Variants in TCERG1L observed in about 807,000 individuals in gnomAD.
TCERG1L encodes transcription elongation regulator 1-like protein.
In TCERG1L, 37 loss-of-function variants were observed where a neutral mutation model predicts 56.3. That is an observed-to-expected ratio of 0.66 (90% CI 0.51 to 0.87). The LOEUF (loss-of-function observed/expected upper bound fraction) is 0.87. Ranked by LOEUF, TCERG1L falls within the 40% of genes least tolerant of loss-of-function variation. TCERG1L has a pLI of 0.00. For missense variants in TCERG1L, 799 were observed against 774.2 expected (o/e 1.03, Z -0.38); for synonymous variants, 324 against 326.3 (o/e 0.99, Z 0.08).
At chr10:131,236,796 G>T (rs1845917896) in intron 4 of TCERG1L, among the ~76,000 whole-genome samples, 1 of 152,140 alleles carries the variant, frequency 6.6e-6, no homozygotes, top group East Asian at 1.9e-4. Context: ...AGAGCAGAGA[G>T]ACATGAGTCC....
intron 6 of TCERG1L, among the ~76,000 whole-genome samples, chr10:131,147,672 C>T (rs996607704): frequency 7.9e-5 from 12 of 152,242 alleles, no homozygotes; most frequent in African/African-American, 1.7e-4. Context: ...CCTCTGGCTC[C>T]GCAAGTCTCC....
At chr10:131,164,945 T>C (rs531354332) in intron 5 of TCERG1L, among the ~76,000 whole-genome samples, 26 of 152,320 alleles carry the variant, frequency 1.7e-4, no homozygotes, top group African/African-American at 6.3e-4. Context: ...TGTGGGTCCC[T>C]GAGGGCTGCG....
intron 3 of TCERG1L, among the ~76,000 whole-genome samples, chr10:131,271,334 G>A (rs771015233): frequency 2.0e-5 from 3 of 152,202 alleles, no homozygotes; most frequent in Admixed American, 6.5e-5. Context: ...GCAGCTGGGC[G>A]GCTCTCCAGG....
chr10:131,163,092 T>G, intron 6 of TCERG1L, 30 bp downstream of exon 6: 1 of 1,503,850 alleles, frequency 6.6e-7, no homozygotes, highest in Non-Finnish European at 8.9e-7. Flanking sequence ...ACGCCATTGC[T>G]AGTGGCTCTC....
intron 3 of TCERG1L, among the ~76,000 whole-genome samples, chr10:131,298,287 T>C (rs1397494918): frequency 6.6e-6 from 1 of 152,232 alleles, no homozygotes. Context: ...TTATTTCCAC[T>C]GTCACTTTTT....
intron 1 of TCERG1L, 110 bp from the exon 2 acceptor site, chr10:131,309,409 G>A (rs1267215971): frequency 2.2e-6 from 3 of 1,373,378 alleles, no homozygotes; most frequent in Non-Finnish European, 2.9e-6. Flanking sequence ...CAAAATGTAT[G>A]TATTTGATTA....
At chr10:131,125,214 G>GATGATGGTGATGATA (rs1845553491) in intron 8 of TCERG1L, among the ~76,000 whole-genome samples, 1 of 152,102 alleles carries the variant, frequency 6.6e-6, no homozygotes, top group South Asian at 2.1e-4. Context: ...TGAACATGAT[G>GATGATGGTGATGATA]ATGATGGTGG....
chr10:131,243,389 G>C (rs12778163), intron 4 of TCERG1L, among the ~76,000 whole-genome samples: 53,121 of 151,898 alleles, frequency 0.35, 9,662 homozygotes, highest in African/African-American at 0.45. Context: ...GGAGACCAGC[G>C]TAGCCAACGT....
intron 8 of TCERG1L, among the ~76,000 whole-genome samples, chr10:131,133,612 C>G (rs974594289): frequency 6.6e-6 from 1 of 152,190 alleles, no homozygotes; most frequent in East Asian, 1.9e-4. Context: ...TGGGGCCCAG[C>G]AGCCACAACA....
intron 8 of TCERG1L, among the ~76,000 whole-genome samples, chr10:131,124,582 C>G (rs1402539710): frequency 6.6e-6 from 1 of 152,166 alleles, no homozygotes; most frequent in Non-Finnish European, 1.5e-5. Context: ...ATTTTCAGCT[C>G]TACGCCATGC....
At chr10:131,285,524 G>GAAAAGAAA (rs1371505187) in intron 3 of TCERG1L, among the ~76,000 whole-genome samples, 8 of 18,882 alleles carry the variant, frequency 4.2e-4, no homozygotes, top group Non-Finnish European at 8.0e-4. Context: ...AAGAAAGAAA[G>GAAAAGAAA]AGAGAAAGAA....
chr10:131,095,837 C>T (rs1470033085), intron 11 of TCERG1L: 1 of 152,156 alleles, frequency 6.6e-6, no homozygotes, highest in Non-Finnish European at 1.5e-5. Context: ...ATTTCTACCA[C>T]TCGTTTTCCT....
At chr10:131,252,506 T>C (rs1846122752) in intron 4 of TCERG1L, among the ~76,000 whole-genome samples, 2 of 152,044 alleles carry the variant, frequency 1.3e-5, no homozygotes, top group South Asian at 4.1e-4. Context: ...GCCTGCATGC[T>C]CCTGAACACA....
intron 9 of TCERG1L, among the ~76,000 whole-genome samples, chr10:131,110,642 A>G (rs1030162192): frequency 2.0e-5 from 3 of 152,184 alleles, no homozygotes; most frequent in African/African-American, 7.2e-5. Flanking sequence ...GGCAGCCAAG[A>G]CCTTGGGCAT....
chr10:131,196,711 C>T (rs766797059), intron 4 of TCERG1L, among the ~76,000 whole-genome samples: 9 of 152,310 alleles, frequency 5.9e-5, no homozygotes, highest in Non-Finnish European at 1.2e-4. Flanking sequence ...AACAGACTCC[C>T]GTGACTCGGC....
chr10:131,200,986 C>G (rs966276142), intron 4 of TCERG1L, among the ~76,000 whole-genome samples: 1 of 152,140 alleles, frequency 6.6e-6, no homozygotes, highest in Non-Finnish European at 1.5e-5. Context: ...GACACAGCCT[C>G]CCTCCCCTCG....
At chr10:131,111,179 C>T (rs1219587478) in intron 9 of TCERG1L, among the ~76,000 whole-genome samples, 4 of 143,014 alleles carry the variant, frequency 2.8e-5, no homozygotes, top group Admixed American at 1.4e-4. Context: ...ATGCCCGCTC[C>T]GACCCTGACA....
chr10:131,157,743 C>T (rs189705383), intron 6 of TCERG1L, among the ~76,000 whole-genome samples: 42 of 152,342 alleles, frequency 2.8e-4, no homozygotes, highest in African/African-American at 1.0e-3. Context: ...TCTGTCTTCT[C>T]TAGAGGAGGA....
At chr10:131,274,792 G>A (rs772734705) in intron 3 of TCERG1L, among the ~76,000 whole-genome samples, 2 of 152,080 alleles carry the variant, frequency 1.3e-5, no homozygotes, top group South Asian at 2.1e-4. Flanking sequence ...GTGTGACACC[G>A]TCCCTTGGCA....
Sources: allele counts gnomAD v4.1 joint callset (sites outside exome capture counted in the v4.1 genomes callset), GRCh38; gene constraint gnomAD v4.1.1; transcripts MANE v1.5; gene names NCBI Gene and HGNC (gene_info 2026-07-23, HGNC 2026-07-21).